The following CHODL variants were observed in gnomAD, a reference collection of about 807,000 sequenced individuals.
CHODL encodes the protein transmembrane protein MT75.
A neutral mutation model predicts 34.5 loss-of-function variants in CHODL; 29 were observed. That is an observed-to-expected ratio of 0.84 (90% CI 0.63 to 1.15). The LOEUF is 1.15. CHODL is among the 50% of genes most tolerant of loss of function. The probability of loss-of-function intolerance (pLI) is 0.00; values close to 1 mark genes in which losing one functional copy is unlikely to be tolerated. For missense variants in CHODL, 332 were observed against 332.5 expected (o/e 1.00, Z 0.01); for synonymous variants, 125 against 116.1 (o/e 1.08, Z -0.49).
chr21:17,943,644 T>C (rs1236069405), intron 1 of CHODL, among the ~76,000 whole-genome samples: 1 of 152,154 alleles, frequency 6.6e-6, no homozygotes, highest in African/African-American at 2.4e-5. Context: ...TGGAAACAAG[T>C]CTGAGACACC....
chr21:17,973,670 T>G (rs574290428), intron 1 of CHODL, among the ~76,000 whole-genome samples: 1 of 152,008 alleles, frequency 6.6e-6, no homozygotes, highest in African/African-American at 2.4e-5. Context: ...TCCGCCCACC[T>G]CAGCCTCCCA....
At chr21:17,927,700 G>A (rs898758231) in intron 1 of CHODL, among the ~76,000 whole-genome samples, 9 of 152,182 alleles carry the variant, frequency 5.9e-5, no homozygotes, top group African/African-American at 2.2e-4. Flanking sequence ...AGGGAGGTAC[G>A]AGTGGGCCAT....
At position 18,234,408 on chromosome 21, in the gene CHODL, CAGAA is replaced by C. The variant is rs111395642; in HGVS notation, c.-44-22095_-44-22092del. ...AAAATGGCACAGCTGGCGTTTAAGCCAGAAAGAAACACCTGTTTCTCTCTGGTAC... is the reference window on the plus strand; with the variant it reads ...AAAATGGCACAGCTGGCGTTTAAGCCAGAAACACCTGTTTCTCTCTGGTAC... On this transcript the variant is annotated intron_variant, in intron 2 of 6. Coordinates refer to the CHODL transcript ENST00000400127. Among the ~76,000 whole-genome samples, 546 of 152,168 alleles carry C rather than the reference CAGAA, an allele frequency of 3.6e-3. 6 individuals are homozygous for C. The highest frequency in any genetic ancestry group is 0.012 in the African/African-American group (506 of 41,516).
chr21:17,984,313 ATAAT>A (rs997149385), intron 1 of CHODL, among the ~76,000 whole-genome samples: 1 of 152,180 alleles, frequency 6.6e-6, no homozygotes, highest in African/African-American at 2.4e-5. Context: ...GCTATTATAA[ATAAT>A]TGTACCGTGA....
Position 18,013,635 on chromosome 21 carries a change from C to CTTTTTTTT in CHODL, c.-144-14227_-144-14220dup, listed in dbSNP as rs1212894827. On this transcript the variant is annotated intron_variant, in intron 1 of 6. Transcript: ENST00000400127. Reference sequence around the variant, plus strand: ...GATCATTGATTTTCTGCTGCTGCTGCTTTTTTTTTTTTTTTTTGAGACAGA... The same window carrying CTTTTTTTT: ...GATCATTGATTTTCTGCTGCTGCTGCTTTTTTTTTTTTTTTTTTTTTTTTTGAGACAGA... Among the ~76,000 whole-genome samples, 22 of 71,880 alleles carry CTTTTTTTT rather than the reference C, an allele frequency of 3.1e-4. 8 individuals are homozygous for CTTTTTTTT. In the South Asian group the frequency reaches 3.5e-3, roughly 12 times the overall value. The allele number at this position is 71,880 out of a possible 152,430, so 47.2% of individuals were successfully genotyped here.
At chr21:17,990,609 G>A (rs576901258) in intron 1 of CHODL, among the ~76,000 whole-genome samples, 1 of 152,102 alleles carries the variant, frequency 6.6e-6, no homozygotes, top group East Asian at 1.9e-4. Context: ...ACAAAGTTGA[G>A]CATTAAAACT....
At chr21:17,926,040 A>G (rs1458644022) in intron 1 of CHODL, among the ~76,000 whole-genome samples, 1 of 152,220 alleles carries the variant, frequency 6.6e-6, no homozygotes, top group Non-Finnish European at 1.5e-5. Context: ...ATGAGAACAT[A>G]AAAACTCTAA....
intron 1 of CHODL, among the ~76,000 whole-genome samples, chr21:18,255,390 C>T (rs2074303644): frequency 6.6e-6 from 1 of 151,980 alleles, no homozygotes; most frequent in Non-Finnish European, 1.5e-5. Context: ...ATGAATGGAA[C>T]ATTTCTAAGG....
chr21:18,017,282 G>T (rs556971714), intron 1 of CHODL, among the ~76,000 whole-genome samples: 5 of 152,324 alleles, frequency 3.3e-5, no homozygotes, highest in Non-Finnish European at 5.9e-5. Context: ...TGGAGGTGGG[G>T]CCTCGTGGGA....
intron 1 of CHODL, among the ~76,000 whole-genome samples, chr21:17,996,030 GTA>G (rs1447103755): frequency 6.6e-6 from 1 of 151,720 alleles, no homozygotes; most frequent in Non-Finnish European, 1.5e-5. Context: ...GCTATTTCTT[GTA>G]TATGTTATGT....
intron 1 of CHODL, among the ~76,000 whole-genome samples, chr21:17,950,526 A>C (rs1234704705): frequency 4.0e-5 from 5 of 125,872 alleles, no homozygotes; most frequent in African/African-American, 1.5e-4. Context: ...ACACACACAC[A>C]CACACACACT....
At chr21:17,932,983 G>C (rs1239503176) in intron 1 of CHODL, among the ~76,000 whole-genome samples, 2 of 152,102 alleles carry the variant, frequency 1.3e-5, no homozygotes, top group East Asian at 1.9e-4. Flanking sequence ...AACACGTGAG[G>C]GAAGGTCTCT....
At chr21:18,084,540 A>G (rs1229451090) in intron 2 of CHODL, among the ~76,000 whole-genome samples, 1 of 152,162 alleles carries the variant, frequency 6.6e-6, no homozygotes, top group Non-Finnish European at 1.5e-5. Context: ...TCATTCAGGA[A>G]AATAATGCTT....
rs543111752 is a variant in CHODL, at chr21:18,198,659, G to T, written c.-44-57850G>T. On this transcript the variant is annotated intron_variant, in intron 2 of 6. Transcript: ENST00000400127. ...GTGGTAGAATAGTAGAAGGGTAAAA[G>T]ACATTCCTGAGATAGAATTAATTTT... Among the ~76,000 whole-genome samples, 15 of 152,158 alleles carry T rather than the reference G, an allele frequency of 9.9e-5. No homozygotes were observed. The East Asian group carries it at 2.9e-3, about 29-fold the overall frequency.
At chr21:18,239,869 A>G (rs73206919), upstream of CHODL, among the ~76,000 whole-genome samples, 19,368 of 152,052 alleles carry the variant, frequency 0.13, 1,265 homozygotes, top group Middle Eastern at 0.18. Flanking sequence ...TTGAAATTAA[A>G]TGAGGATATA....
chr21:18,102,292 A>G (rs930570312), intron 2 of CHODL, among the ~76,000 whole-genome samples: 3 of 152,150 alleles, frequency 2.0e-5, no homozygotes, highest in Admixed American at 6.6e-5. Context: ...ATTCCTACTT[A>G]TGTCCTTTAA....
At chr21:17,962,363 G>A (rs926828571) in intron 1 of CHODL, among the ~76,000 whole-genome samples, 1 of 152,202 alleles carries the variant, frequency 6.6e-6, no homozygotes, top group African/African-American at 2.4e-5. Flanking sequence ...TGTGCTAGAT[G>A]AGAGGTCAGG....
At chr21:18,072,097 A>G (rs1197979659) in intron 2 of CHODL, among the ~76,000 whole-genome samples, 1 of 152,116 alleles carries the variant, frequency 6.6e-6, no homozygotes, top group African/African-American at 2.4e-5. Flanking sequence ...TGTAAAAAAT[A>G]TATAATTCTG....
chr21:17,956,151 G>A (rs190285332), intron 1 of CHODL, among the ~76,000 whole-genome samples: 1 of 136,338 alleles, frequency 7.3e-6, no homozygotes, highest in Non-Finnish European at 1.7e-5. Flanking sequence ...GGGGCCCAGT[G>A]GGAGGTGTTG....
Sources: allele counts gnomAD v4.1 joint callset (sites outside exome capture counted in the v4.1 genomes callset), GRCh38; gene constraint gnomAD v4.1.1; transcripts MANE v1.5; gene names NCBI Gene and HGNC (gene_info 2026-07-23, HGNC 2026-07-21).